CD244: variants seen among roughly 807,000 people sequenced by gnomAD.
CD244 encodes the protein natural killer cell receptor 2B4.
Under a neutral mutation model 45.5 loss-of-function variants are expected in CD244, and 20 were observed. The observed-to-expected ratio is 0.44, with a 90% CI of 0.31 to 0.64. The LOEUF is 0.64. Ranked by LOEUF, CD244 falls within the 30% of genes least tolerant of loss-of-function variation. The pLI is 0.08. For missense variants in CD244, 407 were observed against 426.9 expected (o/e 0.95, Z 0.41); for synonymous variants, 185 against 160.5 (o/e 1.15, Z -1.15).
intron 3 of CD244, chr1:160,839,293 A>G (rs1669451224): frequency 2.5e-6 from 1 of 393,330 alleles, no homozygotes. Context: ...TGAGCTCTGC[A>G]CTATTTATTT....
chr1:160,856,509 T>C (rs1264102954), intron 1 of CD244, among the ~76,000 whole-genome samples: 3 of 152,226 alleles, frequency 2.0e-5, no homozygotes, highest in Non-Finnish European at 4.4e-5. Context: ...CCTAAACTCT[T>C]ATTTATTCTT....
chr1:160,837,005 G>A (rs1048987699), intron 5 of CD244, among the ~76,000 whole-genome samples: 3 of 152,312 alleles, frequency 2.0e-5, no homozygotes, highest in East Asian at 3.9e-4. Context: ...AACTTCATTT[G>A]TGTTTTAAAA....
At chr1:160,845,483 A>G (rs1338942176) in intron 1 of CD244, among the ~76,000 whole-genome samples, 5 of 152,208 alleles carry the variant, frequency 3.3e-5, no homozygotes, top group African/African-American at 1.2e-4. Flanking sequence ...AAAGAGATAA[A>G]AGATAAGAAT....
At chr1:160,851,083 C>G (rs932434532) in intron 1 of CD244, among the ~76,000 whole-genome samples, 8 of 152,130 alleles carry the variant, frequency 5.3e-5, no homozygotes, top group Admixed American at 1.3e-4. Context: ...CTTCCCAGGG[C>G]GTGCCACCCT....
intron 1 of CD244, among the ~76,000 whole-genome samples, chr1:160,851,807 C>T (rs1008299204): frequency 5.3e-5 from 8 of 151,996 alleles, no homozygotes; most frequent in African/African-American, 1.7e-4. Flanking sequence ...CCTCCCAAAG[C>T]GCTGAGATTA....
intron 8 of CD244, among the ~76,000 whole-genome samples, chr1:160,831,859 G>T (rs538876274): frequency 6.6e-6 from 1 of 152,252 alleles, no homozygotes; most frequent in African/African-American, 2.4e-5. Context: ...GGGGGAGGTT[G>T]GGGGATGCTC....
chr1:160,844,744 G>A lies in CD244; in HGVS notation c.62-2843C>T, dbSNP rs551305770. Among the ~76,000 whole-genome samples the A allele has an allele frequency of 4.7e-4, 72 of 152,314 alleles. No homozygotes were observed. In the South Asian group the frequency reaches 0.014, roughly 30 times the overall value. The stretch of plus-strand genomic sequence containing the variant: ...AATTCCAGCACTTTGGGAGGCCAAG[G>A]CCGGCAGATCACTCAAGGTCGGGAG... On this transcript the variant is annotated intron_variant, in intron 1 of 8. Transcript: ENST00000368034.
chr1:160,833,665 C>T (rs1420890118), intron 7 of CD244, among the ~76,000 whole-genome samples: 1 of 152,220 alleles, frequency 6.6e-6, no homozygotes, highest in Non-Finnish European at 1.5e-5. Flanking sequence ...ACTCCTCCAG[C>T]TCCAGGCAAT....
intron 5 of CD244, among the ~76,000 whole-genome samples, chr1:160,837,016 T>C (rs866709138): frequency 1.3e-5 from 2 of 152,232 alleles, no homozygotes; most frequent in Non-Finnish European, 2.9e-5. Flanking sequence ...TGTTTTAAAA[T>C]ACTGCAGGAG....
intron 1 of CD244, among the ~76,000 whole-genome samples, chr1:160,849,283 C>CTTTTTTTTTTTTTTTTTTT (rs371170555): frequency 7.2e-6 from 1 of 139,328 alleles, no homozygotes. Flanking sequence ...CCATCTCTTT[C>CTTTTTTTTTTTTTTTTTTT]TTTTTTTTTT....
In CD244 at chr1:160,838,489, A is replaced by G. The variant is rs1669411141; in HGVS notation, c.796T>C (p.Tyr266His). The G allele has an allele frequency of 6.2e-7, 1 of 1,613,586 alleles. No individual in the cohort carries two copies. The highest frequency in any genetic ancestry group is 8.5e-7 in the Non-Finnish European group (1 of 1,179,490). Reference sequence around the variant, plus strand: ...GTTTTCAGATCCTTGACATCTTCGTAAATTGTCAAAAATTCCTTGGGACTG... The same window carrying G: ...GTTTTCAGATCCTTGACATCTTCGTGAATTGTCAAAAATTCCTTGGGACTG... Reference protein sequence around the residue: ...ETSPKEFLTIYEDVKDLKTRR... With the variant: ...ETSPKEFLTIHEDVKDLKTRR... Residue 266 changes from tyrosine (Y) to histidine (H), a missense_variant, in exon 5 of 9, where the codon TAC becomes CAC. Tyr to His is a moderately conservative substitution (Grantham distance 83). Coordinates refer to ENST00000368034, the MANE Select transcript of CD244 (RefSeq NM_016382.4).
At chr1:160,850,191 T>C (rs1669872663) in intron 1 of CD244, among the ~76,000 whole-genome samples, 1 of 151,840 alleles carries the variant, frequency 6.6e-6, no homozygotes, top group Non-Finnish European at 1.5e-5. Flanking sequence ...TACAAACAGA[T>C]AAAAATGAAA....
Position 160,839,018 on chromosome 1 carries a change from G to A in CD244, c.687C>T (p.Ile229=), listed in dbSNP as rs763753244. 12 of 1,613,818 alleles carry A rather than the reference G, an allele frequency of 7.4e-6. No homozygotes were observed. Among genetic ancestry groups the A allele is most frequent in the African/African-American group, 2.7e-5 (2 of 74,886 alleles). The stretch of plus-strand genomic sequence containing the variant: ...CAAGGAACAGTGCGCTTAGAATCAC[G>A]ATGATCACCAAAAACGGCCAAAATC... ...EFRFWPFLVI[I]VILSALFLGT... is the part of the protein sequence containing the mutation. Residue 229 remains isoleucine, a synonymous_variant, in exon 4 of 9, where the codon ATC becomes ATT. Transcript: ENST00000368034.
intron 7 of CD244, among the ~76,000 whole-genome samples, chr1:160,832,964 CACATACACA>C (rs1355264819): frequency 6.6e-5 from 10 of 151,022 alleles, no homozygotes; most frequent in African/African-American, 2.4e-4. Context: ...CATACACATA[CACATACACA>C]TACACATACA....
At chr1:160,831,635 C>G (rs972189868) in intron 8 of CD244, among the ~76,000 whole-genome samples, 2 of 152,232 alleles carry the variant, frequency 1.3e-5, no homozygotes, top group Non-Finnish European at 2.9e-5. Flanking sequence ...ACTCTCTTAA[C>G]CACATATGCT....
At chr1:160,857,659 T>C (rs1571122670) in intron 1 of CD244, among the ~76,000 whole-genome samples, 2 of 151,934 alleles carry the variant, frequency 1.3e-5, no homozygotes, top group Non-Finnish European at 2.9e-5. Context: ...GACACAAGAG[T>C]GTGTTCATTT....
intron 8 of CD244, among the ~76,000 whole-genome samples, chr1:160,832,228 C>T (rs1240585685): frequency 6.6e-6 from 1 of 152,146 alleles, no homozygotes; most frequent in South Asian, 2.1e-4. Context: ...GAGAGATGTC[C>T]AGTTTGTGGC....
At chr1:160,841,939 G>T in intron 1 of CD244, 38 bp from the exon 2 acceptor site, 1 of 1,583,826 alleles carries the variant, frequency 6.3e-7, no homozygotes, top group Non-Finnish European at 8.6e-7. Context: ...AGCGGGAAGA[G>T]TGTCAGGCCT....
Position 160,838,989 on chromosome 1 carries a change from G to A in CD244, c.716C>T (p.Thr239Ile), listed in dbSNP as rs748569065. Residue 239 changes from threonine (T) to isoleucine (I), a missense_variant, in exon 4 of 9, where the codon ACC (threonine) becomes ATC (isoleucine). By Grantham distance (89) the Thr-to-Ile change is moderately conservative. Coordinates refer to ENST00000368034, the MANE Select transcript of CD244 (RefSeq NM_016382.4). ...CCTCCACACACAGAAGCAGGCAAGG[G>A]TGCCAAGGAACAGTGCGCTTAGAAT... ...IVILSALFLG[T>I]LACFCVWRRK... 6.2e-7 allele frequency: 1 copy of A among 1,614,080 alleles called. No individual in the cohort carries two copies. Among genetic ancestry groups the A allele is most frequent in the Non-Finnish European group, 8.5e-7 (1 of 1,179,976 alleles).
Sources: gnomAD v4.1 joint callset for allele counts (sites outside exome capture counted in the v4.1 genomes callset) on GRCh38, gnomAD v4.1.1 for gene constraint, MANE v1.5 for transcripts, NCBI Gene and HGNC (gene_info 2026-07-23, HGNC 2026-07-21) for gene names.